The following WDPCP variants were observed in gnomAD, a reference collection of about 807,000 sequenced individuals.
WDPCP encodes WD repeat-containing and planar cell polarity effector protein fritz homolog.
Under a neutral mutation model 93.1 loss-of-function variants are expected in WDPCP, and 71 were observed. The ratio of observed to expected loss-of-function variants is 0.76; its 90% CI spans 0.63 to 0.93. The LOEUF (loss-of-function observed/expected upper bound fraction) is 0.93. WDPCP is among the 40% of genes least tolerant of loss of function. WDPCP has a pLI of 0.00. For missense variants in WDPCP, 844 were observed against 887.4 expected, an observed-to-expected ratio of 0.95 and a Z score of 0.62; for synonymous variants, 315 against 315.0, an observed-to-expected ratio of 1.00 and a Z score of 0.00.
intron 17 of WDPCP, among the ~76,000 whole-genome samples, chr2:63,122,523 T>G (rs944866189): frequency 6.6e-6 from 1 of 152,196 alleles, no homozygotes; most frequent in African/African-American, 2.4e-5. Flanking sequence ...AAGACTTTCA[T>G]AACATTTTAT....
chr2:63,611,008 G>A (rs1044035616), intron 3 of WDPCP, among the ~76,000 whole-genome samples: 2 of 152,120 alleles, frequency 1.3e-5, no homozygotes, highest in African/African-American at 2.4e-5. Flanking sequence ...TGAGGTGGGA[G>A]GATTACTTGA....
At chr2:63,622,595 G>A (rs1709756709) in intron 3 of WDPCP, 1 of 1,613,930 alleles carries the variant, frequency 6.2e-7, no homozygotes, top group Non-Finnish European at 8.5e-7. Flanking sequence ...CCTCCAGGAT[G>A]TACACCGAGT....
At chr2:63,337,158 C>G (rs6757487) in intron 12 of WDPCP, among the ~76,000 whole-genome samples, 121,481 of 151,766 alleles carry the variant, frequency 0.8, 49,475 homozygotes, top group East Asian at 0.96. Context: ...TCCCAAAGTG[C>G]TGGGATTACA....
chr2:63,219,632 T>C (rs1257176954), intron 14 of WDPCP, among the ~76,000 whole-genome samples: 1 of 152,246 alleles, frequency 6.6e-6, no homozygotes, highest in Admixed American at 6.5e-5. Context: ...TCTATAATTT[T>C]TACACATCTA....
At chr2:63,345,893 A>G (rs1188224466) in intron 12 of WDPCP, among the ~76,000 whole-genome samples, 1 of 152,296 alleles carries the variant, frequency 6.6e-6, no homozygotes, top group East Asian at 1.9e-4. Flanking sequence ...TGCCAGGCTG[A>G]TAACTACAGT....
At chr2:63,137,098 G>A (rs1479317458) in intron 17 of WDPCP, among the ~76,000 whole-genome samples, 1 of 152,102 alleles carries the variant, frequency 6.6e-6, no homozygotes, top group Non-Finnish European at 1.5e-5. Flanking sequence ...TGGGTCAAAT[G>A]GCATTTCTGG....
At chr2:63,451,321 T>C (rs1698230834) in intron 6 of WDPCP, among the ~76,000 whole-genome samples, 1 of 151,824 alleles carries the variant, frequency 6.6e-6, no homozygotes, top group Admixed American at 6.6e-5. Context: ...AAAAGATATA[T>C]GCAAATAAAC....
chr2:63,293,223 T>C (rs1310660628), intron 13 of WDPCP, among the ~76,000 whole-genome samples: 1 of 152,172 alleles, frequency 6.6e-6, no homozygotes, highest in Non-Finnish European at 1.5e-5. Flanking sequence ...ACTAGGACTC[T>C]GAAATGCAAC....
chr2:63,175,113 T>A (rs71422379), intron 14 of WDPCP, among the ~76,000 whole-genome samples: 4 of 152,184 alleles, frequency 2.6e-5, no homozygotes, highest in African/African-American at 7.2e-5. Flanking sequence ...ATTTATAAAA[T>A]TTTTTTGTTT....
At chr2:63,813,441 C>T (rs1670888363) in intron 2 of WDPCP, among the ~76,000 whole-genome samples, 1 of 152,208 alleles carries the variant, frequency 6.6e-6, no homozygotes, top group Non-Finnish European at 1.5e-5. Context: ...TCATATTTCT[C>T]TGGTCACAAC....
chr2:63,176,349 G>A (rs1673801917), intron 14 of WDPCP, among the ~76,000 whole-genome samples: 2 of 151,994 alleles, frequency 1.3e-5, no homozygotes, highest in Non-Finnish European at 2.9e-5. Context: ...AGGCTCAAGT[G>A]ATCCTCCCAC....
Position 63,683,073 on chromosome 2 carries a change from C to A in WDPCP, n.309-32235G>T, listed in dbSNP as rs186154662. On this transcript the variant is annotated intron_variant and non_coding_transcript_variant, in intron 2 of 4. Transcript: ENST00000467687. ...GTATTTGCAAGCCTCATGGTAACCT[C>A]AAAAAAATATACAACTGATACTCAA... is the stretch of plus-strand genomic sequence containing the variant. Among the ~76,000 whole-genome samples the A allele has an allele frequency of 1.8e-3, 267 of 151,746 alleles. 2 individuals carry two copies. The highest frequency in any genetic ancestry group is 6.0e-3 in the African/African-American group (250 of 41,372).
chr2:63,184,540 C>A, intron 14 of WDPCP, among the ~76,000 whole-genome samples: 1 of 151,958 alleles, frequency 6.6e-6, no homozygotes, highest in East Asian at 1.9e-4. Context: ...AAAATAGAAT[C>A]CCAATCTTTT....
intron 6 of WDPCP, among the ~76,000 whole-genome samples, chr2:63,473,981 T>G (rs1263769345): frequency 3.3e-5 from 5 of 152,162 alleles, no homozygotes. Flanking sequence ...TAATTAATCC[T>G]TATTCCTGTT....
intron 14 of WDPCP, among the ~76,000 whole-genome samples, chr2:63,205,124 G>C (rs923166385): frequency 6.6e-6 from 1 of 152,056 alleles, no homozygotes; most frequent in African/African-American, 2.4e-5. Flanking sequence ...GTATGCTTTT[G>C]TCACCTTTGT....
intron 2 of WDPCP, among the ~76,000 whole-genome samples, chr2:63,706,600 CTTTTTTTTT>C (rs896018299): frequency 4.9e-5 from 3 of 61,696 alleles, no homozygotes; most frequent in East Asian, 3.9e-4. Flanking sequence ...AAATTCTTTT[CTTTTTTTTT>C]TTTTTTTTTT....
chr2:63,456,553 C>CA (rs553785984), intron 6 of WDPCP, among the ~76,000 whole-genome samples: 11 of 151,852 alleles, frequency 7.2e-5, no homozygotes, highest in Non-Finnish European at 1.3e-4. Context: ...ACACCTGCAT[C>CA]AAAAAAACAG....
At chr2:63,317,948 T>A (rs1330610447) in intron 12 of WDPCP, among the ~76,000 whole-genome samples, 3 of 151,936 alleles carry the variant, frequency 2.0e-5, no homozygotes, top group African/African-American at 7.2e-5. Context: ...AACTTCTGCA[T>A]AACAAAAGAA....
intron 12 of WDPCP, among the ~76,000 whole-genome samples, chr2:63,353,326 C>T (rs1689770058): frequency 6.6e-6 from 1 of 152,144 alleles, no homozygotes; most frequent in Admixed American, 6.5e-5. Flanking sequence ...GGAGGTTAGA[C>T]ATTGGAACAT....
Sources: allele counts gnomAD v4.1 joint callset (sites outside exome capture counted in the v4.1 genomes callset), GRCh38; gene constraint gnomAD v4.1.1; transcripts MANE v1.5; gene names NCBI Gene and HGNC (gene_info 2026-07-23, HGNC 2026-07-21).